MAML3: variants seen among roughly 807,000 people sequenced by gnomAD.
MAML3 encodes mastermind like transcriptional coactivator 3.
A neutral mutation model predicts 101.9 loss-of-function variants in MAML3; 27 were observed. The observed-to-expected ratio is 0.27, with a 90% confidence interval of 0.20 to 0.37. MAML3 has a LOEUF of 0.37. MAML3 is among the 10% of genes least tolerant of loss of function. The probability of loss-of-function intolerance (pLI) is 1.00; values close to 1 mark genes in which losing one functional copy is unlikely to be tolerated. For synonymous variants in MAML3, 501 were observed against 555.9 expected, an observed-to-expected ratio of 0.90 and a Z score of 1.39; for missense variants, 1,316 against 1,444.9, an observed-to-expected ratio of 0.91 and a Z score of 1.45.
At chr4:139,861,923 A>G (rs963950808) in intron 2 of MAML3, among the ~76,000 whole-genome samples, 1 of 152,114 alleles carries the variant, frequency 6.6e-6, no homozygotes, top group African/African-American at 2.4e-5. Flanking sequence ...AAAATTATCA[A>G]TGCCGGCTGG....
intron 1 of MAML3, among the ~76,000 whole-genome samples, chr4:140,034,826 G>A (rs1726959079): frequency 6.6e-6 from 1 of 152,310 alleles, no homozygotes; most frequent in East Asian, 1.9e-4. Flanking sequence ...GGAAGTTCCA[G>A]TTAATAATAT....
chr4:139,720,270 G>C lies in MAML3; in HGVS notation c.2470C>G (p.Arg824Gly), dbSNP rs768618685. The change falls in exon 5 of 5, where the codon CGA (arginine) becomes GGA (glycine). Residue 824 changes from arginine (R) to glycine (G), a missense_variant. By Grantham distance (125) the Arg-to-Gly change is moderately radical (BLOSUM62 -2). Transcript: ENST00000509479. ...VRSQAALQSM[R>G]TSRLMAQNAG... Reference sequence around the variant, plus strand: ...TTCTGTGCCATCAGCCGTGACGTTCGCATGCTCTGGAGGGCTGCTTGGCTT... The same window carrying C: ...TTCTGTGCCATCAGCCGTGACGTTCCCATGCTCTGGAGGGCTGCTTGGCTT... The C allele has an allele frequency of 9.5e-6, 15 of 1,585,548 alleles. No homozygotes were observed. The South Asian group carries it at 1.6e-4, about 17-fold the overall frequency.
intron 1 of MAML3, among the ~76,000 whole-genome samples, chr4:140,074,138 A>AAAAG (rs780274395): frequency 2.0e-5 from 3 of 147,982 alleles, no homozygotes; most frequent in Non-Finnish European, 4.5e-5. Flanking sequence ...AAAAGAAAGA[A>AAAAG]AAAGAAAGAA....
chr4:139,918,017 A>G (rs1373530904), intron 1 of MAML3, among the ~76,000 whole-genome samples: 1 of 152,092 alleles, frequency 6.6e-6, no homozygotes, highest in Non-Finnish European at 1.5e-5. Context: ...TTTTCTCAGA[A>G]TGGGTCACAC....
intron 1 of MAML3, among the ~76,000 whole-genome samples, chr4:140,104,396 T>A (rs866263729): frequency 2.0e-3 from 145 of 73,458 alleles, no homozygotes; most frequent in African/African-American, 6.2e-3. Flanking sequence ...TATTATATAT[T>A]ATATAATATA....
At chr4:139,983,303 C>T (rs1212719464) in intron 1 of MAML3, among the ~76,000 whole-genome samples, 27 of 152,154 alleles carry the variant, frequency 1.8e-4, no homozygotes. Flanking sequence ...GCTCTGTTTA[C>T]CATCTCCAAA....
intron 1 of MAML3, among the ~76,000 whole-genome samples, chr4:139,986,148 A>G (rs566408789): frequency 1.3e-5 from 2 of 152,326 alleles, no homozygotes; most frequent in Admixed American, 6.5e-5. Context: ...GGACTGATAA[A>G]TACAAACGGG....
chr4:140,139,913 C>T (rs1054338079), intron 1 of MAML3, among the ~76,000 whole-genome samples: 27 of 152,284 alleles, frequency 1.8e-4, no homozygotes, highest in African/African-American at 5.5e-4. Context: ...TAGAAGCAAA[C>T]ACACAAAAAA....
intron 1 of MAML3, among the ~76,000 whole-genome samples, chr4:139,972,673 C>T (rs930205191): frequency 1.3e-5 from 2 of 152,164 alleles, no homozygotes; most frequent in Non-Finnish European, 1.5e-5. Flanking sequence ...CAAATGTATA[C>T]ATTTATCTAA....
intron 1 of MAML3, among the ~76,000 whole-genome samples, chr4:140,028,315 A>C (rs1726858181): frequency 6.6e-6 from 1 of 152,192 alleles, no homozygotes; most frequent in Non-Finnish European, 1.5e-5. Context: ...TTCTGAAAAA[A>C]AAGTGGCTAA....
rs762969631 is a variant in MAML3, at chr4:140,072,538, C to T, written c.468+80322G>A. ...ATTCAAAATTAGCCAGGCATGGTGG[C>T]GCGTGCCTGTAATCCCAGCTACTTG... On this transcript the variant is annotated intron_variant, in intron 1 of 4. Transcript: ENST00000509479. Among the ~76,000 whole-genome samples the T allele has an allele frequency of 7.2e-5, 11 of 151,998 alleles. 1 individual carries two copies. Among genetic ancestry groups the T allele is most frequent in the South Asian group, 4.1e-4 (2 of 4,820 alleles).
At chr4:139,919,483 G>C (rs937564239) in intron 1 of MAML3, among the ~76,000 whole-genome samples, 5 of 152,142 alleles carry the variant, frequency 3.3e-5, no homozygotes, top group African/African-American at 1.2e-4. Context: ...AGTTTGGATG[G>C]AACTTAACTT....
At chr4:140,025,542 T>C (rs1227739148) in intron 1 of MAML3, among the ~76,000 whole-genome samples, 2 of 152,098 alleles carry the variant, frequency 1.3e-5, no homozygotes, top group African/African-American at 4.8e-5. Flanking sequence ...GCTAGAGAAA[T>C]GCCAGATACA....
chr4:139,775,632 G>A (rs185451820), intron 2 of MAML3, among the ~76,000 whole-genome samples: 5 of 152,258 alleles, frequency 3.3e-5, no homozygotes, highest in African/African-American at 1.2e-4. Flanking sequence ...GCAGCAGAGA[G>A]GAGTGGTTCG....
intron 1 of MAML3, among the ~76,000 whole-genome samples, chr4:140,151,981 GAA>G (rs1172025588): frequency 2.0e-5 from 3 of 152,224 alleles, no homozygotes; most frequent in South Asian, 2.1e-4. Context: ...GCCAAGCGGA[GAA>G]AGACTCCGTG....
intron 1 of MAML3, among the ~76,000 whole-genome samples, chr4:140,057,966 GT>G (rs33939712): frequency 1 from 149,814 of 150,492 alleles, 74,570 homozygotes; most frequent in East Asian, 1. Context: ...GAGTTGTGGG[GT>G]TTTTTTTTTC....
intron 1 of MAML3, among the ~76,000 whole-genome samples, chr4:140,152,440 G>T (rs1209591398): frequency 6.6e-6 from 1 of 152,150 alleles, no homozygotes; most frequent in African/African-American, 2.4e-5. Context: ...GTAGGGGGAC[G>T]GGTCTGGGGA....
chr4:139,835,053 G>T (rs904973604), intron 2 of MAML3, among the ~76,000 whole-genome samples: 3 of 152,248 alleles, frequency 2.0e-5, no homozygotes, highest in African/African-American at 7.2e-5. Context: ...TATAGGGAGA[G>T]GGGAACAAGA....
intron 2 of MAML3, among the ~76,000 whole-genome samples, chr4:139,809,836 T>G (rs974644706): frequency 6.8e-6 from 1 of 148,120 alleles, no homozygotes; most frequent in African/African-American, 2.5e-5. Flanking sequence ...GTTGGGCTGA[T>G]TAAAGAAATA....
Sources: allele counts gnomAD v4.1 joint callset (sites outside exome capture counted in the v4.1 genomes callset), GRCh38; gene constraint gnomAD v4.1.1; transcripts MANE v1.5; gene names NCBI Gene and HGNC (gene_info 2026-07-23, HGNC 2026-07-21).